Variants in ITPR2 observed in about 807,000 individuals in gnomAD.
The protein encoded by ITPR2 is inositol 1,4,5-trisphosphate-gated calcium channel ITPR2.
Under a neutral mutation model 317.1 loss-of-function variants are expected in ITPR2, and 207 were observed. That is an observed-to-expected ratio of 0.65 (90% CI 0.58 to 0.73). The LOEUF is 0.73. Among genes scored for constraint, ITPR2 ranks in the 30% least tolerant of loss-of-function variants. The probability of loss-of-function intolerance (pLI) is 0.00; values close to 1 mark genes in which losing one functional copy is unlikely to be tolerated. For missense variants in ITPR2, 2,613 were observed against 3,284.0 expected, an observed-to-expected ratio of 0.80 and a Z score of 4.99; for synonymous variants, 1,156 against 1,149.1, an observed-to-expected ratio of 1.01 and a Z score of -0.12.
chr12:26,454,744 G>C (rs749225846), intron 45 of ITPR2, among the ~76,000 whole-genome samples: 3 of 151,976 alleles, frequency 2.0e-5, no homozygotes, highest in Non-Finnish European at 2.9e-5. Context: ...CTGCGGGGGT[G>C]GGGGTGGCTT....
Position 26,648,593 on chromosome 12 carries a change from T to C in ITPR2, c.2740+5383A>G, listed in dbSNP as rs116587575. On this transcript the variant is annotated intron_variant, in intron 21 of 56. Coordinates refer to ENST00000381340, the MANE Select transcript of ITPR2 (RefSeq NM_002223.4). ...CATTAAAAGAGAAAAATACTTACAG[T>C]ATGAGAGGAGTCCATATGAAAAAAA... 7.3e-3 allele frequency among the ~76,000 whole-genome samples: 1,041 copies of C among 142,768 alleles called. 15 individuals are homozygous for C. The highest frequency in any genetic ancestry group is 0.026 in the African/African-American group (993 of 38,746). 93.7% of individuals were successfully genotyped at this position (142,768 alleles called of 152,430 possible). A position where few individuals can be genotyped will look rare whatever the true frequency, so the allele number is the denominator to read the frequency against.
chr12:26,746,130 T>C (rs1949318259), intron 2 of ITPR2, among the ~76,000 whole-genome samples: 1 of 151,910 alleles, frequency 6.6e-6, no homozygotes, highest in Middle Eastern at 3.2e-3. Flanking sequence ...CAGAGTAGGA[T>C]AAATATGAAA....
intron 1 of ITPR2, among the ~76,000 whole-genome samples, chr12:26,799,886 A>G (rs187958971): frequency 1.0e-3 from 155 of 152,298 alleles, no homozygotes; most frequent in Admixed American, 1.1e-3. Context: ...GCTGACCTTA[A>G]CTACTACCAG....
rs570393412 is a variant in ITPR2 at position 26,584,988 on chromosome 12, T to C, written c.4381-4833A>G. ...TTGCTTTCTATATCTCCTTTTTATGTGAATCATCAGCTCATACACTCAACT... is the reference window on the plus strand; with the variant it reads ...TTGCTTTCTATATCTCCTTTTTATGCGAATCATCAGCTCATACACTCAACT... On this transcript the variant is annotated intron_variant, in intron 32 of 56. Coordinates refer to ENST00000381340, the MANE Select transcript of ITPR2 (RefSeq NM_002223.4). Among the ~76,000 whole-genome samples, 665 of 152,320 alleles carry C rather than the reference T, an allele frequency of 4.4e-3. 1 individual carries two copies. Among genetic ancestry groups the C allele is most frequent in the Non-Finnish European group, 6.0e-3 (407 of 68,020 alleles).
intron 55 of ITPR2, among the ~76,000 whole-genome samples, chr12:26,374,657 G>T (rs981394180): frequency 6.6e-6 from 1 of 152,246 alleles, no homozygotes; most frequent in Admixed American, 6.5e-5. Flanking sequence ...TGCTAGGATA[G>T]ATGTGATTGT....
intron 52 of ITPR2, among the ~76,000 whole-genome samples, chr12:26,401,869 G>C (rs1393320097): frequency 6.6e-6 from 1 of 152,176 alleles, no homozygotes; most frequent in Admixed American, 6.5e-5. Context: ...TTTAAAACAT[G>C]CTGGGATACA....
chr12:26,602,212 G>A (rs1194905541), intron 28 of ITPR2, among the ~76,000 whole-genome samples, 158 bp downstream of exon 28: 6 of 152,074 alleles, frequency 3.9e-5, no homozygotes, highest in Non-Finnish European at 7.4e-5. Flanking sequence ...ACCCTTGTTT[G>A]TAGAAAACAT....
intron 2 of ITPR2, among the ~76,000 whole-genome samples, chr12:26,740,120 A>C (rs947341596): frequency 1.3e-5 from 2 of 152,170 alleles, no homozygotes; most frequent in African/African-American, 4.8e-5. Context: ...TAGTGAGATA[A>C]ATTTTTCTTA....
At chr12:26,670,311 G>A (rs943897808) in intron 13 of ITPR2, among the ~76,000 whole-genome samples, 1 of 152,240 alleles carries the variant, frequency 6.6e-6, no homozygotes. Flanking sequence ...AGTAGGGGCA[G>A]ACTGACACTT....
intron 21 of ITPR2, among the ~76,000 whole-genome samples, chr12:26,632,542 A>G (rs1242979007): frequency 1.3e-5 from 2 of 152,242 alleles, no homozygotes; most frequent in African/African-American, 2.4e-5. Flanking sequence ...CTTTCCTTTC[A>G]TAACACTTAT....
chr12:26,389,254 C>T (rs1481625089), intron 54 of ITPR2, among the ~76,000 whole-genome samples: 4 of 152,184 alleles, frequency 2.6e-5, no homozygotes, highest in Admixed American at 6.5e-5. Flanking sequence ...TCCTCCACCT[C>T]CTCAAGATAA....
rs761295836 is a variant in ITPR2 at position 26,815,822 on chromosome 12, G to A, written c.92+16868C>T. On this transcript the variant is annotated intron_variant, in intron 1 of 56. Transcript: ENST00000381340. The stretch of plus-strand genomic sequence containing the variant: ...AAAACAGGTGTACTGTGGCCGGCGC[G>A]GTGGCTTACATCTGTAAACCCAGCA... Among the ~76,000 whole-genome samples the A allele has an allele frequency of 2.6e-5, 4 of 152,070 alleles. No individual in the cohort carries two copies. The South Asian group carries it at 6.2e-4, about 24-fold the overall frequency.
intron 26 of ITPR2, among the ~76,000 whole-genome samples, chr12:26,619,742 T>C (rs188309765): frequency 5.8e-4 from 88 of 152,310 alleles, no homozygotes; most frequent in Non-Finnish European, 2.9e-5. Flanking sequence ...CTTCTTGACT[T>C]GTTGGTAAGT....
At chr12:26,656,230 C>T in intron 19 of ITPR2, 67 bp downstream of exon 19, 1 of 1,573,368 alleles carries the variant, frequency 6.4e-7, no homozygotes, top group Non-Finnish European at 8.7e-7. Context: ...CATTTCAAAA[C>T]TGTAGACATT....
At chr12:26,374,421 G>A (rs541433808) in intron 55 of ITPR2, among the ~76,000 whole-genome samples, 79 of 152,314 alleles carry the variant, frequency 5.2e-4, no homozygotes, top group Non-Finnish European at 1.0e-3. Flanking sequence ...CATTATAGGT[G>A]CTATGTATTT....
intron 45 of ITPR2, among the ~76,000 whole-genome samples, chr12:26,461,691 TACACACACAC>T (rs10580959): frequency 0.036 from 4,393 of 123,394 alleles, 107 homozygotes; most frequent in Middle Eastern, 0.12. Flanking sequence ...CATATATATA[TACACACACAC>T]ACACACACAC....
In ITPR2 at chr12:26,400,261, A is replaced by G. The variant is rs1349009124; in HGVS notation, c.7400-3T>C. 1.3e-6 allele frequency: 2 copies of G among 1,505,274 alleles called. No individual in the cohort carries two copies. The highest frequency in any genetic ancestry group is 1.8e-6 in the Non-Finnish European group (2 of 1,113,064). The allele number at this position is 1,505,274 out of a possible 1,614,324, so 93.2% of individuals were successfully genotyped here. On this transcript the variant is annotated splice_region_variant and splice_polypyrimidine_tract_variant and intron_variant, in intron 52 of 56. Coordinates refer to ENST00000381340, the MANE Select transcript of ITPR2 (RefSeq NM_002223.4). ...TCCATCTTCATACTCTTCATCAGCT[A>G]TAAAAACACATACAAATATATGATA...
intron 21 of ITPR2, among the ~76,000 whole-genome samples, chr12:26,634,722 T>A (rs1946827910): frequency 6.6e-6 from 1 of 151,604 alleles, no homozygotes; most frequent in Non-Finnish European, 1.5e-5. Flanking sequence ...CTGTCTCTGT[T>A]AAAAATACAA....
chr12:26,833,097 T>C lies in ITPR2; in HGVS notation c.-316A>G. The C allele has an allele frequency of 3.1e-6, 1 of 323,324 alleles. No individual in the cohort carries two copies. The highest frequency in any genetic ancestry group is 5.6e-6 in the Non-Finnish European group (1 of 177,668). 20.0% of individuals were successfully genotyped at this position (323,324 alleles called of 1,614,324 possible). A position where few individuals can be genotyped will look rare whatever the true frequency, so the allele number is the denominator to read the frequency against. Reference sequence around the variant, plus strand: ...TCTGAAGTTTTCTCTCCAACACCTTTGCTCCTCCTCCTCCTCCTTCCCTCT... The same window carrying C: ...TCTGAAGTTTTCTCTCCAACACCTTCGCTCCTCCTCCTCCTCCTTCCCTCT... On this transcript the variant is annotated 5_prime_UTR_variant, in exon 1 of 57. Transcript: ENST00000381340.
Sources: allele counts gnomAD v4.1 joint callset (sites outside exome capture counted in the v4.1 genomes callset), GRCh38; gene constraint gnomAD v4.1.1; transcripts MANE v1.5; gene names NCBI Gene and HGNC (gene_info 2026-07-23, HGNC 2026-07-21).